The following KCNMB2 variants were observed in gnomAD, a reference collection of about 807,000 sequenced individuals.
The protein encoded by KCNMB2 is potassium calcium-activated channel subfamily M regulatory beta subunit 2.
A neutral mutation model predicts 24.5 loss-of-function variants in KCNMB2; 9 were observed. That is an observed-to-expected ratio of 0.37 (90% CI 0.22 to 0.64). KCNMB2 has a LOEUF of 0.64. Among genes scored for constraint, KCNMB2 ranks in the 30% least tolerant of loss-of-function variants. The pLI, the probability that KCNMB2 is intolerant of heterozygous loss-of-function variation, is 0.63. For synonymous variants in KCNMB2, 109 were observed against 104.4 expected (o/e 1.04, Z -0.27); for missense variants, 226 against 284.3 (o/e 0.79, Z 1.47).
At chr3:178,612,395 A>G (rs556325385) in intron 1 of KCNMB2, among the ~76,000 whole-genome samples, 10 of 151,614 alleles carry the variant, frequency 6.6e-5, no homozygotes, top group South Asian at 2.1e-4. Flanking sequence ...CTTTAATTAC[A>G]TTTCCTTTCT....
At chr3:178,548,084 C>T (rs1715833884) in intron 1 of KCNMB2, among the ~76,000 whole-genome samples, 1 of 152,144 alleles carries the variant, frequency 6.6e-6, no homozygotes, top group South Asian at 2.1e-4. Context: ...TTTATTGGAA[C>T]ACTTTGGTTA....
intron 1 of KCNMB2, among the ~76,000 whole-genome samples, chr3:178,650,522 CT>C (rs1720073092): frequency 6.6e-6 from 1 of 151,944 alleles, no homozygotes; most frequent in Non-Finnish European, 1.5e-5. Context: ...CTGGGTACTC[CT>C]TCTGAACTAC....
intron 1 of KCNMB2, among the ~76,000 whole-genome samples, chr3:178,544,759 C>G (rs1715722416): frequency 6.6e-6 from 1 of 151,894 alleles, no homozygotes; most frequent in Non-Finnish European, 1.5e-5. Flanking sequence ...ACAAATCTAT[C>G]TGATGAGAAA....
intron 2 of KCNMB2, among the ~76,000 whole-genome samples, chr3:178,824,952 T>G (rs1215896095): frequency 6.6e-6 from 1 of 152,196 alleles, no homozygotes; most frequent in African/African-American, 2.4e-5. Context: ...TGGGCTCGAT[T>G]TGAATGACAC....
intron 1 of KCNMB2, among the ~76,000 whole-genome samples, chr3:178,589,483 G>A (rs1717584965): frequency 6.6e-6 from 1 of 151,930 alleles, no homozygotes; most frequent in Non-Finnish European, 1.5e-5. Flanking sequence ...TTTTGTTGTT[G>A]TTTGTTTGTT....
intron 1 of KCNMB2, among the ~76,000 whole-genome samples, chr3:178,759,509 A>C (rs145571356): frequency 0.11 from 11,408 of 99,784 alleles, 1,040 homozygotes; most frequent in East Asian, 0.25. Context: ...ATATATATAT[A>C]TCTCTCCAAG....
At chr3:178,833,513 A>G (rs1010120948) in intron 4 of KCNMB2, among the ~76,000 whole-genome samples, 3 of 152,196 alleles carry the variant, frequency 2.0e-5, no homozygotes, top group Admixed American at 2.0e-4. Flanking sequence ...CAAAATGAGG[A>G]ATATTCAAGA....
intron 1 of KCNMB2, among the ~76,000 whole-genome samples, chr3:178,564,433 G>A (rs1473018453): frequency 6.6e-6 from 1 of 152,162 alleles, no homozygotes; most frequent in Admixed American, 6.5e-5. Flanking sequence ...TGAGAACAGG[G>A]CACTTAATCC....
At chr3:178,759,707 T>C (rs1170641515) in intron 1 of KCNMB2, among the ~76,000 whole-genome samples, 1 of 116,822 alleles carries the variant, frequency 8.6e-6, no homozygotes, top group Non-Finnish European at 1.8e-5. Flanking sequence ...CACATATATA[T>C]ATCCAAGAGG....
rs66510741 is a variant in KCNMB2 at position 178,839,186 on chromosome 3, TA to T, written c.424-3456del. 4.9e-3 allele frequency among the ~76,000 whole-genome samples: 721 copies of T among 148,086 alleles called. 9 individuals carry two copies. The highest frequency in any genetic ancestry group is 0.017 in the African/African-American group (677 of 40,686). On this transcript the variant is annotated intron_variant, in intron 4 of 4. Transcript: ENST00000452583. ...GATTTAAATCACTTTTTTCCAAACT[TA>T]AAAAAAAAAACCCTCATTATTATAT...
intron 1 of KCNMB2, among the ~76,000 whole-genome samples, chr3:178,570,074 A>T (rs925642644): frequency 6.6e-6 from 1 of 151,476 alleles, no homozygotes; most frequent in Non-Finnish European, 1.5e-5. Flanking sequence ...AATGACATCT[A>T]ATCTGGTAGC....
chr3:178,682,863 G>T (rs1294669873), intron 1 of KCNMB2, among the ~76,000 whole-genome samples: 1 of 148,612 alleles, frequency 6.7e-6, no homozygotes, highest in Admixed American at 6.7e-5. Context: ...AGTCAAAAAA[G>T]AAAAAAAAAC....
intron 1 of KCNMB2, among the ~76,000 whole-genome samples, chr3:178,782,158 T>C (rs1389356393): frequency 1.7e-5 from 2 of 117,208 alleles, no homozygotes; most frequent in African/African-American, 6.3e-5. Context: ...CCATGGTGTA[T>C]ATGTGCCACA....
At chr3:178,818,781 G>A (rs936373851) in intron 2 of KCNMB2, among the ~76,000 whole-genome samples, 1 of 151,860 alleles carries the variant, frequency 6.6e-6, no homozygotes, top group African/African-American at 2.4e-5. Context: ...TTCTTTTAAT[G>A]CCCCCTCTAA....
intron 2 of KCNMB2, among the ~76,000 whole-genome samples, chr3:178,822,682 AT>A (rs1352422973): frequency 6.6e-6 from 1 of 152,218 alleles, no homozygotes; most frequent in Non-Finnish European, 1.5e-5. Context: ...TTTCTCAGAT[AT>A]TTTTGGGCTG....
intron 1 of KCNMB2, among the ~76,000 whole-genome samples, chr3:178,781,727 G>A (rs1712851886): frequency 6.6e-6 from 1 of 151,696 alleles, no homozygotes; most frequent in Non-Finnish European, 1.5e-5. Flanking sequence ...TAGTTTTCTG[G>A]CCTAAATCAT....
chr3:178,597,878 A>G (rs921093355), intron 1 of KCNMB2, among the ~76,000 whole-genome samples: 1 of 152,134 alleles, frequency 6.6e-6, no homozygotes, highest in Non-Finnish European at 1.5e-5. Flanking sequence ...CTTGGCTACA[A>G]CTTCTTCTTT....
chr3:178,616,425 G>T (rs1400858239), intron 1 of KCNMB2, among the ~76,000 whole-genome samples: 2 of 152,182 alleles, frequency 1.3e-5, no homozygotes, highest in Non-Finnish European at 2.9e-5. Context: ...GAAGAGTTTT[G>T]TCTGGTTCTC....
chr3:178,586,097 CT>C (rs1717419599), intron 1 of KCNMB2, among the ~76,000 whole-genome samples: 1 of 152,146 alleles, frequency 6.6e-6, no homozygotes, highest in Non-Finnish European at 1.5e-5. Flanking sequence ...GTCTCTTGCT[CT>C]TTGCCTCGTT....
Sources: allele counts gnomAD v4.1 joint callset (sites outside exome capture counted in the v4.1 genomes callset), GRCh38; gene constraint gnomAD v4.1.1; transcripts MANE v1.5; gene names NCBI Gene and HGNC (gene_info 2026-07-23, HGNC 2026-07-21).